The following STK3 variants were observed in gnomAD, a reference collection of about 807,000 sequenced individuals.
STK3 encodes the protein serine/threonine-protein kinase 3.
In STK3, 41 loss-of-function variants were observed where a neutral mutation model predicts 58.0. That is an observed-to-expected ratio of 0.71 (90% confidence interval 0.55 to 0.92). The LOEUF (loss-of-function observed/expected upper bound fraction) is 0.92. Among genes scored for constraint, STK3 ranks in the 40% least tolerant of loss-of-function variants. The pLI, the probability that STK3 is intolerant of heterozygous loss-of-function variation, is 0.00. For missense variants in STK3, 479 were observed against 602.7 expected (o/e 0.79, Z 2.15); for synonymous variants, 170 against 191.0 (o/e 0.89, Z 0.91).
chr8:98,532,150 C>G (rs1826208867), intron 9 of STK3, among the ~76,000 whole-genome samples: 1 of 152,198 alleles, frequency 6.6e-6, no homozygotes, highest in Admixed American at 6.5e-5. Flanking sequence ...CACCCAGTCT[C>G]AGCTTTCAAT....
chr8:98,418,442 G>A (rs1264858038), intron 3 of STK3, among the ~76,000 whole-genome samples: 1 of 152,228 alleles, frequency 6.6e-6, no homozygotes, highest in Non-Finnish European at 1.5e-5. Flanking sequence ...AGCCCACAGA[G>A]GCATCCAGGG....
At chr8:98,856,758 T>C (rs1024131533) in intron 3 of STK3, among the ~76,000 whole-genome samples, 33 of 152,214 alleles carry the variant, frequency 2.2e-4, no homozygotes, top group African/African-American at 8.0e-4. Context: ...TGTATTCAAA[T>C]GTTTGTAGCA....
intron 1 of STK3, among the ~76,000 whole-genome samples, chr8:98,915,870 G>T (rs190011992): frequency 1.4e-4 from 21 of 152,036 alleles, no homozygotes; most frequent in Middle Eastern, 3.4e-3. Flanking sequence ...CTTTACTAGT[G>T]ACCAATATCA....
chr8:98,396,387 G>T (rs1359012618), intron 3 of STK3, among the ~76,000 whole-genome samples: 1 of 152,208 alleles, frequency 6.6e-6, no homozygotes, highest in Admixed American at 6.5e-5. Flanking sequence ...ACTGGGAGAT[G>T]GGGTGAGAGT....
intron 1 of STK3, chr8:98,905,299 C>G: frequency 1.2e-6 from 1 of 842,998 alleles, no homozygotes; most frequent in Non-Finnish European, 2.1e-6. Context: ...ACTGCGTCCT[C>G]TGACCACTCC....
intron 1 of STK3, among the ~76,000 whole-genome samples, chr8:98,890,392 A>G (rs920480914): frequency 1.3e-5 from 2 of 152,238 alleles, no homozygotes; most frequent in Non-Finnish European, 2.9e-5. Context: ...GCTGACAGCC[A>G]CAACAGCCTT....
intron 1 of STK3, among the ~76,000 whole-genome samples, chr8:98,445,781 C>A (rs1260018411): frequency 6.6e-6 from 1 of 152,198 alleles, no homozygotes; most frequent in African/African-American, 2.4e-5. Flanking sequence ...CCTCTCTCTG[C>A]CCCTTTTTCC....
intron 10 of STK3, among the ~76,000 whole-genome samples, chr8:98,493,370 C>T (rs925267343): frequency 2.4e-4 from 36 of 152,116 alleles, no homozygotes; most frequent in African/African-American, 8.7e-4. Flanking sequence ...AAGAAGTCTA[C>T]TTCTTCCCTC....
intron 1 of STK3, among the ~76,000 whole-genome samples, chr8:98,929,518 T>C (rs1229410917): frequency 6.6e-6 from 1 of 152,134 alleles, no homozygotes; most frequent in Non-Finnish European, 1.5e-5. Flanking sequence ...AGTGTGGTGG[T>C]GCACCACTGC....
chr8:98,435,797 C>T (rs1818464779), intron 2 of STK3, among the ~76,000 whole-genome samples: 1 of 152,094 alleles, frequency 6.6e-6, no homozygotes, highest in African/African-American at 2.4e-5. Flanking sequence ...AGAGGGAGGC[C>T]TGGAGGCCAG....
At chr8:98,730,902 C>T (rs1180490374) in intron 4 of STK3, among the ~76,000 whole-genome samples, 1 of 152,058 alleles carries the variant, frequency 6.6e-6, no homozygotes, top group African/African-American at 2.4e-5. Flanking sequence ...CGCTGATCGA[C>T]ATTTAAATAT....
chr8:98,816,133 GA>G (rs1834525712), intron 1 of STK3, among the ~76,000 whole-genome samples: 1 of 152,182 alleles, frequency 6.6e-6, no homozygotes, highest in Non-Finnish European at 1.5e-5. Flanking sequence ...CCAACTCTGG[GA>G]AACTAGTACA....
At chr8:98,865,325 C>G (rs529746822) in intron 3 of STK3, among the ~76,000 whole-genome samples, 1 of 152,298 alleles carries the variant, frequency 6.6e-6, no homozygotes, top group East Asian at 1.9e-4. Context: ...CTCTCAGCCT[C>G]CCAACATAAG....
chr8:98,427,657 A>C, intron 3 of STK3: 2 of 205,642 alleles, frequency 9.7e-6, no homozygotes, highest in Non-Finnish European at 1.9e-5. Context: ...GCCCATGGAC[A>C]AGGTCAGCAT....
intron 6 of STK3, among the ~76,000 whole-genome samples, chr8:98,685,085 C>G (rs558845090): frequency 4.7e-4 from 72 of 152,184 alleles, no homozygotes; most frequent in African/African-American, 1.7e-3. Context: ...ATTAATAAAT[C>G]AATTTAACTC....
At chr8:98,372,339 C>G (rs1236492125) in intron 2 of STK3, among the ~76,000 whole-genome samples, 1 of 152,186 alleles carries the variant, frequency 6.6e-6, no homozygotes, top group African/African-American at 2.4e-5. Context: ...TCAGGGCAGC[C>G]TCCAAGTTCC....
At chr8:98,648,055 C>G (rs990061957) in intron 6 of STK3, among the ~76,000 whole-genome samples, 3 of 152,160 alleles carry the variant, frequency 2.0e-5, no homozygotes, top group African/African-American at 7.2e-5. Flanking sequence ...CTTTCCCATT[C>G]TTGATTTTTC....
At chr8:98,516,971 G>T (rs1824974644) in intron 10 of STK3, among the ~76,000 whole-genome samples, 2 of 152,086 alleles carry the variant, frequency 1.3e-5, no homozygotes, top group Non-Finnish European at 2.9e-5. Context: ...CTCTAACCCA[G>T]GTTACTGAGC....
chr8:98,358,413 G>A, the STK3 span, among the ~76,000 whole-genome samples: 1 of 152,224 alleles, frequency 6.6e-6, no homozygotes, highest in Admixed American at 6.5e-5. Flanking sequence ...CAGATGCCCA[G>A]TAGGCTTGTG....
Sources: allele counts gnomAD v4.1 joint callset (sites outside exome capture counted in the v4.1 genomes callset), GRCh38; gene constraint gnomAD v4.1.1; transcripts MANE v1.5; gene names NCBI Gene and HGNC (gene_info 2026-07-23, HGNC 2026-07-21).